Variants in TRPM1 observed in about 807,000 individuals in gnomAD.
TRPM1 encodes the protein TRPM1-203 APA Isoform, Intron 10.
TRPM1 carries 113 observed loss-of-function variants against 149.4 expected under a neutral mutation model. The ratio of observed to expected loss-of-function variants is 0.76; its 90% CI spans 0.65 to 0.88. The LOEUF is 0.88. TRPM1 is among the 40% of genes least tolerant of loss of function. The pLI is 0.00. For synonymous variants in TRPM1, 741 were observed against 759.5 expected (o/e 0.98, Z 0.40); for missense variants, 1,976 against 2,038.7 (o/e 0.97, Z 0.59).
At chr15:31,088,608 G>A (rs953891589) in intron 1 of TRPM1, among the ~76,000 whole-genome samples, 11 of 152,310 alleles carry the variant, frequency 7.2e-5, no homozygotes, top group South Asian at 4.1e-4. Context: ...CCGGAAGGAA[G>A]AAACGTAGGA....
At chr15:31,069,524 T>C in intron 4 of TRPM1, 1 of 1,133,820 alleles carries the variant, frequency 8.8e-7, no homozygotes, top group Admixed American at 4.3e-5. Context: ...AGCTGAAGCC[T>C]CCCCCACGCT....
At chr15:31,160,377 G>T (rs1349491914) in intron 1 of TRPM1, among the ~76,000 whole-genome samples, 1 of 152,146 alleles carries the variant, frequency 6.6e-6, no homozygotes, top group Non-Finnish European at 1.5e-5. Context: ...GCCCTCCCAG[G>T]TTCTCACTTA....
chr15:31,055,110 T>C (rs1312979657), intron 11 of TRPM1, among the ~76,000 whole-genome samples: 2 of 152,218 alleles, frequency 1.3e-5, no homozygotes, highest in Admixed American at 6.5e-5. Flanking sequence ...AGTTTTCTAC[T>C]ATATGAAGAA....
At chr15:31,020,772 G>A (rs2032526033) in intron 27 of TRPM1, among the ~76,000 whole-genome samples, 1 of 152,144 alleles carries the variant, frequency 6.6e-6, no homozygotes, top group East Asian at 1.9e-4. Context: ...GGCTCATTTG[G>A]TTGGAGATTG....
intron 27 of TRPM1, among the ~76,000 whole-genome samples, chr15:31,020,360 T>C (rs1446962445): frequency 6.6e-6 from 1 of 152,236 alleles, no homozygotes; most frequent in East Asian, 1.9e-4. Context: ...ACTAGCATCT[T>C]TGAGGTCTCT....
upstream of TRPM1, among the ~76,000 whole-genome samples, chr15:31,103,740 G>A (rs989247986): frequency 1.0e-4 from 15 of 150,730 alleles, no homozygotes; most frequent in African/African-American, 3.7e-4. Flanking sequence ...TTGAACCCTG[G>A]AGGCGGAAGT....
intron 1 of TRPM1, among the ~76,000 whole-genome samples, chr15:31,115,622 T>C (rs924664662): frequency 5.3e-5 from 8 of 151,992 alleles, no homozygotes; most frequent in Admixed American, 6.6e-5. Flanking sequence ...TTGTGAGTTT[T>C]ACCTCCAAGC....
At chr15:31,088,479 C>T (rs1424058865) in intron 1 of TRPM1, among the ~76,000 whole-genome samples, 2 of 152,142 alleles carry the variant, frequency 1.3e-5, no homozygotes, top group East Asian at 1.9e-4. Flanking sequence ...CTGAAGTCAG[C>T]AAGCCCACGA....
chr15:31,013,934 A>G (rs1201202059), intron 27 of TRPM1, among the ~76,000 whole-genome samples: 1 of 152,230 alleles, frequency 6.6e-6, no homozygotes, highest in Non-Finnish European at 1.5e-5. Flanking sequence ...TTTTCTGAGA[A>G]GCTGTATGTG....
At position 31,002,222 on chromosome 15, in the gene TRPM1, T is replaced by C. The variant is rs1238592103; in HGVS notation, c.4478A>G (p.Gln1493Arg). The change falls in exon 28 of 28, where the codon CAA (glutamine) becomes CGA (arginine). Residue 1493 changes from glutamine (Q) to arginine (R), a missense_variant. Coordinates refer to ENST00000256552, the MANE Select transcript of TRPM1 (RefSeq NM_001252024.2). Reference protein sequence around the residue: ...ITDQQLTTEWQCQVQKITRSH... With the variant: ...ITDQQLTTEWRCQVQKITRSH... ...GCGCGTGATCTTTTGAACTTGGCATTGCCATTCCGTCGTCAATTGCTGGTC... is the reference window on the plus strand; with the variant it reads ...GCGCGTGATCTTTTGAACTTGGCATCGCCATTCCGTCGTCAATTGCTGGTC... 18 of 1,614,148 alleles carry C rather than the reference T, an allele frequency of 1.1e-5. No individual in the cohort carries two copies. The highest frequency in any genetic ancestry group is 1.4e-5 in the Non-Finnish European group (16 of 1,180,056).
At chr15:31,046,270 C>T in intron 15 of TRPM1, 37 bp from the exon 16 acceptor site, 2 of 1,601,128 alleles carry the variant, frequency 1.2e-6, no homozygotes, top group African/African-American at 1.3e-5. Context: ...AATCAATTTA[C>T]TTAGATAACT....
At chr15:31,161,121 C>T (rs892880995) in exon 1 of TRPM1, 2 of 690,510 alleles carry the variant, frequency 2.9e-6, no homozygotes, top group Non-Finnish European at 4.9e-6. Context: ...GGCCGAGATC[C>T]TGGGGCGAGG....
chr15:31,135,588 T>G (rs1028693674), intron 1 of TRPM1, among the ~76,000 whole-genome samples: 3 of 152,152 alleles, frequency 2.0e-5, no homozygotes, highest in Non-Finnish European at 4.4e-5. Context: ...CCAAATCTCA[T>G]GCTGTAATTT....
chr15:31,023,267 C>T (rs1472498530), intron 27 of TRPM1, among the ~76,000 whole-genome samples: 1 of 152,182 alleles, frequency 6.6e-6, no homozygotes, highest in Non-Finnish European at 1.5e-5. Context: ...AGGGCACAGC[C>T]CATGCAGAGC....
At chr15:31,156,887 T>A (rs2036384554) in intron 1 of TRPM1, among the ~76,000 whole-genome samples, 1 of 152,128 alleles carries the variant, frequency 6.6e-6, no homozygotes, top group Non-Finnish European at 1.5e-5. Context: ...TATTTTGGAT[T>A]TCCCTTGTTT....
In TRPM1 at chr15:31,002,217, G is replaced by A. The variant is rs1185385650; in HGVS notation, c.4483C>T (p.Gln1495Ter). Reference protein sequence around the residue: ...DQQLTTEWQCQVQKITRSHST... With the variant: ...DQQLTTEWQC ...TGAGAGCGCGTGATCTTTTGAACTT[G>A]GCATTGCCATTCCGTCGTCAATTGC... is the stretch of plus-strand genomic sequence containing the variant. Residue 1495 changes from glutamine to a stop codon, truncating the protein, a stop_gained, in exon 28 of 28, where the codon CAA (glutamine) becomes TAA (stop). Transcript: ENST00000256552. LOFTEE classifies it low-confidence loss of function (END_TRUNC). 4 of 1,614,094 alleles carry A rather than the reference G, an allele frequency of 2.5e-6. No individual in the cohort carries two copies. In the African/African-American group the frequency reaches 5.3e-5, roughly 22 times the overall value.
chr15:31,050,513 T>C lies in TRPM1; in HGVS notation c.1333A>G (p.Thr445Ala). ...TEKEKKPPMA[T>A]TKGGRGKGKG... ...CCTTTTCCTCTTCCTCCCTTGGTGG[T>C]GGCCATGGGTGGCTTCTTCTCCTTC... Residue 445 changes from threonine to alanine, a missense_variant, in exon 12 of 28, where the codon ACC (threonine) becomes GCC (alanine). Thr to Ala is a moderately conservative substitution (Grantham distance 58). Coordinates refer to ENST00000256552, the MANE Select transcript of TRPM1 (RefSeq NM_001252024.2). 1 of 1,614,094 alleles carries C rather than the reference T, an allele frequency of 6.2e-7. No homozygotes were observed. The highest frequency in any genetic ancestry group is 8.5e-7 in the Non-Finnish European group (1 of 1,180,030).
At chr15:31,116,017 G>T (rs1268183381) in intron 1 of TRPM1, among the ~76,000 whole-genome samples, 3 of 151,924 alleles carry the variant, frequency 2.0e-5, no homozygotes, top group Non-Finnish European at 4.4e-5. Flanking sequence ...CATCCCTGAG[G>T]ACTCTGCCTC....
chr15:31,032,665 T>C, intron 22 of TRPM1, 24 bp downstream of exon 22: 1 of 1,614,174 alleles, frequency 6.2e-7, no homozygotes, highest in Middle Eastern at 1.6e-4. Context: ...TCTCTCTGGA[T>C]ACCCACAGGA....
Sources: allele counts gnomAD v4.1 joint callset (sites outside exome capture counted in the v4.1 genomes callset), GRCh38; gene constraint gnomAD v4.1.1; transcripts MANE v1.5; gene names NCBI Gene and HGNC (gene_info 2026-07-23, HGNC 2026-07-21).